LRP1B: variants seen among roughly 807,000 people sequenced by gnomAD.
LRP1B encodes the protein LDL receptor related protein 1B.
In LRP1B, 217 loss-of-function variants were observed where a neutral mutation model predicts 556.6. That is an observed-to-expected ratio of 0.39 (90% CI 0.35 to 0.44). The LOEUF is 0.44. Among genes scored for constraint, LRP1B ranks in the 20% least tolerant of loss-of-function variants. The pLI, the probability that LRP1B is intolerant of heterozygous loss-of-function variation, is 1.00. For missense variants in LRP1B, 5,053 were observed against 5,620.8 expected (o/e 0.90, Z 3.23); for synonymous variants, 2,047 against 1,865.8 (o/e 1.10, Z -2.50).
At chr2:140,884,112 A>G in intron 24 of LRP1B, 91 bp from the exon 25 acceptor site, 1 of 1,140,316 alleles carries the variant, frequency 8.8e-7, no homozygotes, top group Non-Finnish European at 1.3e-6. Flanking sequence ...TCAGCAGTAC[A>G]AATTATTTCA....
intron 2 of LRP1B, among the ~76,000 whole-genome samples, chr2:141,596,418 T>C (rs1687521762): frequency 6.6e-6 from 1 of 152,066 alleles, no homozygotes; most frequent in Non-Finnish European, 1.5e-5. Flanking sequence ...AAAACTGATC[T>C]GATCAAAAGT....
intron 83 of LRP1B, among the ~76,000 whole-genome samples, chr2:140,313,576 C>A (rs77044916): frequency 6.6e-6 from 1 of 151,978 alleles, no homozygotes; most frequent in South Asian, 2.1e-4. Flanking sequence ...CCAGCTATAA[C>A]ACCATGGTTT....
chr2:140,267,191 A>C (rs2104938269), intron 86 of LRP1B, among the ~76,000 whole-genome samples: 1 of 152,206 alleles, frequency 6.6e-6, no homozygotes, highest in South Asian at 2.1e-4. Flanking sequence ...GCTATTAATT[A>C]ATTGTCTTCA....
chr2:141,435,120 G>T (rs1458700229), intron 3 of LRP1B, among the ~76,000 whole-genome samples: 2 of 152,170 alleles, frequency 1.3e-5, no homozygotes. Context: ...AATTGAGAAG[G>T]ATGATTGTGG....
intron 82 of LRP1B, among the ~76,000 whole-genome samples, chr2:140,316,361 T>G (rs1684518968): frequency 1.3e-5 from 2 of 152,142 alleles, no homozygotes; most frequent in South Asian, 4.1e-4. Flanking sequence ...TTCAAGAGCA[T>G]CTTTAAGCAC....
rs535957445 is a variant in LRP1B at position 140,710,365 on chromosome 2, G to A, written c.6023+5608C>T. On this transcript the variant is annotated intron_variant, in intron 37 of 90. Coordinates refer to ENST00000389484, the MANE Select transcript of LRP1B (RefSeq NM_018557.3). ...GAAAAGAGATATCATATTTAAGAAA[G>A]GAAGGCAACAGATGAGAGGTAGGAG... Among the ~76,000 whole-genome samples the A allele has an allele frequency of 7.9e-5, 12 of 152,096 alleles. No individual in the cohort carries two copies. The South Asian group carries it at 2.3e-3, about 29-fold the overall frequency.
At chr2:141,252,975 CTTAA>C (rs1684318801) in intron 4 of LRP1B, among the ~76,000 whole-genome samples, 2 of 152,108 alleles carry the variant, frequency 1.3e-5, no homozygotes, top group Non-Finnish European at 2.9e-5. Flanking sequence ...TTTTTACGTG[CTTAA>C]TTAAACACAT....
intron 32 of LRP1B, among the ~76,000 whole-genome samples, chr2:140,792,078 T>A (rs1004095124): frequency 7.9e-5 from 12 of 152,128 alleles, no homozygotes; most frequent in Non-Finnish European, 1.6e-4. Context: ...AAATAACCCT[T>A]ATCTTCCATT....
At chr2:141,485,667 C>T (rs1196519975) in intron 2 of LRP1B, among the ~76,000 whole-genome samples, 1 of 152,076 alleles carries the variant, frequency 6.6e-6, no homozygotes. Context: ...ATATTTGTAT[C>T]CCATGAAGCT....
chr2:141,098,170 A>C (rs540500304), intron 7 of LRP1B, among the ~76,000 whole-genome samples: 1 of 152,322 alleles, frequency 6.6e-6, no homozygotes, highest in African/African-American at 2.4e-5. Flanking sequence ...TCAGAAACTA[A>C]AATGTGTCTC....
intron 7 of LRP1B, among the ~76,000 whole-genome samples, chr2:141,122,040 C>A (rs1202829260): frequency 1.3e-5 from 2 of 152,130 alleles, no homozygotes; most frequent in African/African-American, 4.8e-5. Context: ...GGAAGACTGG[C>A]TAGCCGTATG....
intron 7 of LRP1B, among the ~76,000 whole-genome samples, chr2:141,102,843 TATG>T (rs1490898925): frequency 2.6e-5 from 4 of 152,198 alleles, no homozygotes; most frequent in African/African-American, 4.8e-5. Context: ...ACATTGAAAA[TATG>T]ATAATAAAAA....
chr2:140,940,069 G>A (rs1228563326), intron 20 of LRP1B, among the ~76,000 whole-genome samples: 1 of 151,698 alleles, frequency 6.6e-6, no homozygotes, highest in Non-Finnish European at 1.5e-5. Context: ...TTTTTTGGTA[G>A]AGACAGGATT....
chr2:141,179,143 A>G (rs1047642889), intron 7 of LRP1B, among the ~76,000 whole-genome samples: 2 of 152,050 alleles, frequency 1.3e-5, no homozygotes, highest in African/African-American at 4.8e-5. Context: ...AAAAAAACAG[A>G]AAATTTTTGT....
chr2:141,041,535 C>T (rs1385958482), intron 11 of LRP1B, among the ~76,000 whole-genome samples: 2 of 151,984 alleles, frequency 1.3e-5, no homozygotes, highest in African/African-American at 4.8e-5. Context: ...GTCCTGGCCT[C>T]CCCCTTATAA....
intron 2 of LRP1B, among the ~76,000 whole-genome samples, chr2:141,508,789 T>C (rs552018547): frequency 1.3e-5 from 2 of 152,280 alleles, no homozygotes; most frequent in South Asian, 4.1e-4. Flanking sequence ...TTTTGTATAT[T>C]AGGAAGGCGG....
intron 3 of LRP1B, among the ~76,000 whole-genome samples, chr2:141,458,368 T>A (rs1324121353): frequency 1.3e-5 from 2 of 152,152 alleles, no homozygotes; most frequent in East Asian, 1.9e-4. Context: ...GCATTCAAAA[T>A]CAAGGTGAAT....
At chr2:141,997,392 C>T (rs201189810) in intron 1 of LRP1B, among the ~76,000 whole-genome samples, 1 of 134,166 alleles carries the variant, frequency 7.5e-6, no homozygotes, top group Non-Finnish European at 1.6e-5. Flanking sequence ...TGTGTGTGTA[C>T]ATATATATAT....
chr2:140,996,656 A>G (rs767862003), intron 15 of LRP1B, among the ~76,000 whole-genome samples: 16 of 152,108 alleles, frequency 1.1e-4, no homozygotes, highest in Non-Finnish European at 1.9e-4. Flanking sequence ...GAGAGATTCT[A>G]TTTGTGGGGG....
Sources: allele counts gnomAD v4.1 joint callset (sites outside exome capture counted in the v4.1 genomes callset), GRCh38; gene constraint gnomAD v4.1.1; transcripts MANE v1.5; gene names NCBI Gene and HGNC (gene_info 2026-07-23, HGNC 2026-07-21).